Variants in RASA2 observed in about 807,000 individuals in gnomAD.
RASA2 encodes the protein RAS p21 protein activator 2.
In RASA2, 155 loss-of-function variants were observed where a neutral mutation model predicts 118.2. The observed-to-expected ratio is 1.31, with a 90% CI of 1.15 to 1.50. The LOEUF (loss-of-function observed/expected upper bound fraction) is 1.50, where lower values mean the gene tolerates loss of function less well. Among genes scored for constraint, RASA2 ranks in the 40% most tolerant of loss-of-function variants. The probability of loss-of-function intolerance (pLI) is 0.00; values close to 1 mark genes in which losing one functional copy is unlikely to be tolerated. For synonymous variants in RASA2, 353 were observed against 349.1 expected (o/e 1.01, Z -0.12); for missense variants, 1,016 against 1,009.6 (o/e 1.01, Z -0.09).
intron 6 of RASA2, 111 bp downstream of exon 6, chr3:141,554,051 A>G: frequency 7.0e-7 from 1 of 1,420,648 alleles, no homozygotes; most frequent in Non-Finnish European, 9.2e-7. Context: ...AACACACAGT[A>G]ATAAATGCTT....
intron 19 of RASA2, among the ~76,000 whole-genome samples, chr3:141,605,265 T>G (rs2083529806): frequency 6.6e-6 from 1 of 152,348 alleles, no homozygotes; most frequent in Admixed American, 6.5e-5. Flanking sequence ...TGAATACTCT[T>G]ATTTGTCAGA....
At chr3:141,533,721 C>A (rs2151097132) in intron 4 of RASA2, among the ~76,000 whole-genome samples, 1 of 152,230 alleles carries the variant, frequency 6.6e-6, no homozygotes, top group Admixed American at 6.5e-5. Flanking sequence ...AGTAACATTT[C>A]ATGAGTGTAT....
At chr3:141,538,070 TG>T (rs1269563168) in intron 4 of RASA2, among the ~76,000 whole-genome samples, 1 of 150,530 alleles carries the variant, frequency 6.6e-6, no homozygotes, top group Non-Finnish European at 1.5e-5. Flanking sequence ...GTCAGTTTGC[TG>T]GGCTCATAAC....
intron 3 of RASA2, among the ~76,000 whole-genome samples, chr3:141,523,233 A>C (rs549889602): frequency 6.6e-6 from 1 of 151,896 alleles, no homozygotes; most frequent in Admixed American, 6.6e-5. Flanking sequence ...GTTTTAAGCA[A>C]TTCTGCCTCA....
At chr3:141,531,381 CA>C (rs1362531469) in intron 4 of RASA2, among the ~76,000 whole-genome samples, 1 of 151,290 alleles carries the variant, frequency 6.6e-6, no homozygotes, top group Non-Finnish European at 1.5e-5. Context: ...AATACAGAGA[CA>C]CAAGACTTTA....
chr3:141,597,965 A>G (rs1007309476), intron 19 of RASA2, among the ~76,000 whole-genome samples: 14 of 152,236 alleles, frequency 9.2e-5, no homozygotes, highest in African/African-American at 3.4e-4. Context: ...AATTCAGATG[A>G]ATGGACAAAT....
intron 1 of RASA2, among the ~76,000 whole-genome samples, chr3:141,489,184 A>G (rs1400794527): frequency 6.6e-6 from 1 of 152,204 alleles, no homozygotes; most frequent in African/African-American, 2.4e-5. Context: ...CTTGCTTTTT[A>G]AATTGCTTAT....
chr3:141,586,498 G>A, intron 18 of RASA2, 148 bp from the exon 19 acceptor site: 1 of 527,120 alleles, frequency 1.9e-6, no homozygotes, highest in South Asian at 3.3e-5. Context: ...CAAAATAAAT[G>A]CAACAGTCAT....
chr3:141,548,933 C>T (rs2082528880), intron 5 of RASA2, among the ~76,000 whole-genome samples: 1 of 152,136 alleles, frequency 6.6e-6, no homozygotes, highest in Non-Finnish European at 1.5e-5. Flanking sequence ...TGACCTCTTC[C>T]TCTGTGTTCA....
At chr3:141,531,754 G>T (rs551449980) in intron 4 of RASA2, among the ~76,000 whole-genome samples, 1 of 152,034 alleles carries the variant, frequency 6.6e-6, no homozygotes, top group Non-Finnish European at 1.5e-5. Flanking sequence ...ATTTAAAACA[G>T]ATTTTAGAAG....
rs1377294425 is a variant in RASA2 at position 141,612,459 on chromosome 3, T to A, written c.*146T>A. 9.8e-6 allele frequency: 6 copies of A among 614,712 alleles called. No individual in the cohort carries two copies. The highest frequency in any genetic ancestry group is 3.8e-5 in the Admixed American group (1 of 26,440). 38.1% of individuals were successfully genotyped at this position (614,712 alleles called of 1,614,324 possible). On this transcript the variant is annotated 3_prime_UTR_variant, in exon 24 of 24. Coordinates refer to ENST00000286364, the MANE Select transcript of RASA2 (RefSeq NM_006506.5). Reference sequence around the variant, plus strand: ...CACATTGTATTTAATATTTAATAATTGAAATTAATTGTTTGGGAATCCTGG... The same window carrying A: ...CACATTGTATTTAATATTTAATAATAGAAATTAATTGTTTGGGAATCCTGG...
At chr3:141,607,480 T>C (rs2083565553) in intron 19 of RASA2, among the ~76,000 whole-genome samples, 198 bp from the exon 20 acceptor site, 3 of 152,130 alleles carry the variant, frequency 2.0e-5, no homozygotes, top group African/African-American at 7.2e-5. Flanking sequence ...AGAAAAGCAG[T>C]GGTCACTTTA....
At chr3:141,497,635 G>A (rs1481792552) in intron 1 of RASA2, among the ~76,000 whole-genome samples, 1 of 151,806 alleles carries the variant, frequency 6.6e-6, no homozygotes, top group African/African-American at 2.4e-5. Context: ...GCTGAGGAGG[G>A]TGGATGGCTT....
intron 3 of RASA2, among the ~76,000 whole-genome samples, chr3:141,521,109 T>C (rs181468487): frequency 6.6e-6 from 1 of 152,310 alleles, no homozygotes; most frequent in African/African-American, 2.4e-5. Context: ...GGGGTACATC[T>C]TAGTGGACAT....
In RASA2 at chr3:141,573,947, A is replaced by G. The variant is rs2082965553; in HGVS notation, c.1363A>G (p.Asn455Asp). Residue 455 changes from asparagine (N) to aspartate (D), a missense_variant, in exon 14 of 24, where the codon AAT (asparagine) becomes GAT (aspartate). By Grantham distance (23) the Asn-to-Asp change is conservative (BLOSUM62 1). Transcript: ENST00000286364. ...TTTACCTTTTTAAATCCTGCAGGAGAATCTGCGCTACTATGTAGACAAGTT... is the reference window on the plus strand; with the variant it reads ...TTTACCTTTTTAAATCCTGCAGGAGGATCTGCGCTACTATGTAGACAAGTT... ...EGDNVENNKE[N>D]LRYYVDKLFN... is the part of the protein sequence containing the mutation. The G allele has an allele frequency of 1.3e-6, 2 of 1,579,044 alleles. No homozygotes were observed. Among genetic ancestry groups the G allele is most frequent in the Non-Finnish European group, 1.7e-6 (2 of 1,160,764 alleles).
At chr3:141,508,647 G>A (rs541035489) in intron 1 of RASA2, among the ~76,000 whole-genome samples, 3 of 152,226 alleles carry the variant, frequency 2.0e-5, no homozygotes, top group Non-Finnish European at 4.4e-5. Flanking sequence ...CCAAAGTGTT[G>A]GGATTACAGG....
intron 5 of RASA2, among the ~76,000 whole-genome samples, chr3:141,541,604 T>C (rs1472323113): frequency 6.6e-6 from 1 of 152,046 alleles, no homozygotes; most frequent in Non-Finnish European, 1.5e-5. Flanking sequence ...CTATAGTTAT[T>C]TTCTAATATT....
chr3:141,543,856 TC>T (rs1372121645), intron 5 of RASA2, among the ~76,000 whole-genome samples: 1 of 143,036 alleles, frequency 7.0e-6, no homozygotes, highest in East Asian at 2.0e-4. Flanking sequence ...TTTTCTTTTT[TC>T]TTTCTTTCTT....
intron 1 of RASA2, among the ~76,000 whole-genome samples, chr3:141,500,863 A>AT (rs1559990665): frequency 6.6e-6 from 1 of 150,980 alleles, no homozygotes; most frequent in Non-Finnish European, 1.5e-5. Context: ...TTATTTTTTT[A>AT]TTTTTTATTT....
Sources: gnomAD v4.1 joint callset for allele counts (sites outside exome capture counted in the v4.1 genomes callset) on GRCh38, gnomAD v4.1.1 for gene constraint, MANE v1.5 for transcripts, NCBI Gene and HGNC (gene_info 2026-07-23, HGNC 2026-07-21) for gene names.